VANGL1: variants seen among roughly 807,000 people sequenced by gnomAD.
The protein encoded by VANGL1 is VANGL planar cell polarity protein 1.
A neutral mutation model predicts 48.4 loss-of-function variants in VANGL1; 18 were observed. That is an observed-to-expected ratio of 0.37 (90% CI 0.26 to 0.55). The LOEUF (loss-of-function observed/expected upper bound fraction) is 0.55. Ranked by LOEUF, VANGL1 falls within the 20% of genes least tolerant of loss-of-function variation. VANGL1 has a pLI of 0.81. For missense variants in VANGL1, 667 were observed against 675.8 expected (o/e 0.99, Z 0.14); for synonymous variants, 257 against 261.8 (o/e 0.98, Z 0.18).
chr1:115,657,927 A>G (rs942641761), intron 2 of VANGL1, among the ~76,000 whole-genome samples: 1 of 152,142 alleles, frequency 6.6e-6, no homozygotes, highest in Non-Finnish European at 1.5e-5. Context: ...AGGAGGCGCC[A>G]CACACTTTTA....
At chr1:115,661,607 T>G (rs1051811278) in intron 3 of VANGL1, among the ~76,000 whole-genome samples, 2 of 151,392 alleles carry the variant, frequency 1.3e-5, no homozygotes, top group Admixed American at 6.6e-5. Context: ...GACATTTGGG[T>G]TTTTTTTGTT....
intron 4 of VANGL1, among the ~76,000 whole-genome samples, chr1:115,675,896 A>G (rs1446487633): frequency 6.6e-6 from 1 of 152,158 alleles, no homozygotes; most frequent in Non-Finnish European, 1.5e-5. Flanking sequence ...GGTGAACACT[A>G]AGATTCCTTC....
chr1:115,684,927 G>T (rs1340998154), intron 6 of VANGL1, among the ~76,000 whole-genome samples: 1 of 152,168 alleles, frequency 6.6e-6, no homozygotes, highest in African/African-American at 2.4e-5. Context: ...TCTGTACAGA[G>T]CCTTTTATAG....
At chr1:115,642,689 G>C (rs1651779637) in intron 1 of VANGL1, 1 of 152,414 alleles carries the variant, frequency 6.6e-6, no homozygotes, top group African/African-American at 2.4e-5. Context: ...GTTGCGCCTC[G>C]GAGAGCGCAA....
chr1:115,688,914 C>G (rs535144683), intron 7 of VANGL1, among the ~76,000 whole-genome samples: 1 of 134,644 alleles, frequency 7.4e-6, no homozygotes, highest in African/African-American at 2.8e-5. Flanking sequence ...CTCAGCCTCC[C>G]GAGTAACTGG....
intron 1 of VANGL1, among the ~76,000 whole-genome samples, chr1:115,649,706 C>T (rs1433335477): frequency 1.3e-5 from 2 of 152,180 alleles, no homozygotes; most frequent in Non-Finnish European, 2.9e-5. Flanking sequence ...TGACTGGGGC[C>T]TGATAGCTAA....
Position 115,659,756 on chromosome 1 carries a change from C to G in VANGL1, c.187C>G (p.Arg63Gly). 6.2e-7 allele frequency: 1 copy of G among 1,614,144 alleles called. No homozygotes were observed. Among genetic ancestry groups the G allele is most frequent in the Non-Finnish European group, 8.5e-7 (1 of 1,180,024 alleles). The change falls in exon 3 of 8, where the codon CGG (arginine) becomes GGG (glycine). Residue 63 changes from arginine to glycine, a missense_variant. Physicochemically the swap from Arg to Gly is moderately radical, Grantham distance 125. Coordinates refer to ENST00000355485, the MANE Select transcript of VANGL1 (RefSeq NM_138959.3). The part of the protein sequence containing the change: ...GEPLLGNDST[R>G]TEEVQDDNWG... ...GCCCCTGTTGGGAAATGATTCTACTCGGACAGAGGAAGTTCAGGTAAGGAT... is the reference window on the plus strand; with the variant it reads ...GCCCCTGTTGGGAAATGATTCTACTGGGACAGAGGAAGTTCAGGTAAGGAT...
intron 4 of VANGL1, among the ~76,000 whole-genome samples, chr1:115,681,500 G>GTTTTT (rs1267113664): frequency 2.1e-5 from 2 of 96,330 alleles, no homozygotes; most frequent in African/African-American, 4.2e-5. Context: ...TCTTTTTTTT[G>GTTTTT]TTGTTTTTTT....
In VANGL1 at chr1:115,683,978, C is replaced by A. The variant is rs968405545; in HGVS notation, c.981C>A (p.Ala327=). Reference sequence around the variant, plus strand: ...ACAATGCCACTGGCCAGTCCCGGGCCATGATTGCTGCAGCTGCTCGGCGCA... The same window carrying A: ...ACAATGCCACTGGCCAGTCCCGGGCAATGATTGCTGCAGCTGCTCGGCGCA... The part of the protein sequence containing the change: ...PSNNATGQSR[A]MIAAAARRRD... The change falls in exon 6 of 8, where the codon GCC becomes GCA. Residue 327 remains alanine, a synonymous_variant. Transcript: ENST00000355485. 1 of 1,613,928 alleles carries A rather than the reference C, an allele frequency of 6.2e-7. No individual in the cohort carries two copies. Among genetic ancestry groups the A allele is most frequent in the African/African-American group, 1.3e-5 (1 of 74,894 alleles).
rs1653836291 is a variant in VANGL1, at chr1:115,691,507, C to T, written c.*128C>T. The T allele has an allele frequency of 9.2e-7, 1 of 1,090,334 alleles. No individual in the cohort carries two copies. The highest frequency in any genetic ancestry group is 2.8e-5 in the Admixed American group (1 of 35,416). The allele number at this position is 1,090,334 out of a possible 1,614,324, so 67.5% of individuals were successfully genotyped here. ...TGACTGAAACTGGCAGATGATTGAC[C>T]AGTATCCTTTGACCATCTGCACTTT... On this transcript the variant is annotated 3_prime_UTR_variant, in exon 8 of 8. Transcript: ENST00000355485.
intron 7 of VANGL1, among the ~76,000 whole-genome samples, chr1:115,690,547 A>G (rs1653790382): frequency 6.6e-6 from 1 of 152,248 alleles, no homozygotes; most frequent in Non-Finnish European, 1.5e-5. Context: ...TTTGAGAGCT[A>G]ACACTTTCAT....
intron 4 of VANGL1, chr1:115,670,993 T>G (rs1169437288): frequency 6.6e-6 from 1 of 152,238 alleles, no homozygotes; most frequent in East Asian, 1.9e-4. Flanking sequence ...AAAAGTGGCT[T>G]TAATGAGAGT....
At chr1:115,671,564 G>C (rs1357842004) in intron 4 of VANGL1, among the ~76,000 whole-genome samples, 1 of 152,166 alleles carries the variant, frequency 6.6e-6, no homozygotes, top group Non-Finnish European at 1.5e-5. Flanking sequence ...CTTTTTCTTA[G>C]AGCACCCTAA....
At chr1:115,657,753 T>A (rs1652402586) in intron 2 of VANGL1, among the ~76,000 whole-genome samples, 1 of 152,138 alleles carries the variant, frequency 6.6e-6, no homozygotes, top group Non-Finnish European at 1.5e-5. Context: ...CATAAAGAAA[T>A]GAGGTTTAAC....
chr1:115,656,249 A>T (rs969931169), intron 2 of VANGL1, among the ~76,000 whole-genome samples: 1 of 152,246 alleles, frequency 6.6e-6, no homozygotes, highest in Non-Finnish European at 1.5e-5. Context: ...GCTGTGTATT[A>T]TAACATTGTG....
chr1:115,661,232 T>C (rs1031128976), intron 3 of VANGL1, among the ~76,000 whole-genome samples: 2 of 152,156 alleles, frequency 1.3e-5, no homozygotes, highest in Non-Finnish European at 2.9e-5. Flanking sequence ...TTAGGTGCTT[T>C]TTCTTCTAAG....
intron 4 of VANGL1, among the ~76,000 whole-genome samples, chr1:115,673,594 C>CTTTTTT (rs960453479): frequency 2.8e-5 from 3 of 108,580 alleles, no homozygotes; most frequent in Non-Finnish European, 5.3e-5. Context: ...TGTATGTCCT[C>CTTTTTT]TTTTTTTTTT....
intron 4 of VANGL1, among the ~76,000 whole-genome samples, chr1:115,678,685 G>A (rs1418731887): frequency 6.6e-6 from 1 of 152,230 alleles, no homozygotes; most frequent in African/African-American, 2.4e-5. Flanking sequence ...GCCAGGCACA[G>A]TGGCTCACAC....
At chr1:115,654,918 T>G (rs952932696) in intron 2 of VANGL1, among the ~76,000 whole-genome samples, 1 of 152,166 alleles carries the variant, frequency 6.6e-6, no homozygotes, top group African/African-American at 2.4e-5. Flanking sequence ...TTGCCTAAAA[T>G]TACAAAGTTA....
Sources: gnomAD v4.1 joint callset for allele counts (sites outside exome capture counted in the v4.1 genomes callset) on GRCh38, gnomAD v4.1.1 for gene constraint, MANE v1.5 for transcripts, NCBI Gene and HGNC (gene_info 2026-07-23, HGNC 2026-07-21) for gene names.